The following NTM variants were observed in gnomAD, a reference collection of about 807,000 sequenced individuals.
NTM encodes the protein IgLON family member 2.
A neutral mutation model predicts 42.1 loss-of-function variants in NTM; 13 were observed. That is an observed-to-expected ratio of 0.31 (90% CI 0.20 to 0.49). NTM has a LOEUF of 0.49. Ranked by LOEUF, NTM falls within the 20% of genes least tolerant of loss-of-function variation. The pLI is 0.99. For synonymous variants in NTM, 187 were observed against 179.2 expected (o/e 1.04, Z -0.35); for missense variants, 373 against 452.8 (o/e 0.82, Z 1.60).
At chr11:131,619,816 CT>C (rs1295440951) in intron 1 of NTM, among the ~76,000 whole-genome samples, 1,600 of 142,406 alleles carry the variant, frequency 0.011, 13 homozygotes, top group African/African-American at 0.028. Context: ...TAAACATCTT[CT>C]TTTTTTTTTT....
chr11:131,464,589 A>G (rs1419529419), intron 1 of NTM, among the ~76,000 whole-genome samples: 3 of 151,568 alleles, frequency 2.0e-5, no homozygotes, highest in South Asian at 2.1e-4. Flanking sequence ...CCCCTCCCCA[A>G]CTCCCAATTT....
intron 1 of NTM, chr11:131,671,303 C>A (rs2070180933): frequency 2.5e-6 from 1 of 405,908 alleles, no homozygotes; most frequent in Admixed American, 6.4e-5. Context: ...CCCTGGGGCG[C>A]TATCTGGCGT....
At chr11:131,548,010 G>T (rs1259303810) in intron 1 of NTM, among the ~76,000 whole-genome samples, 1 of 152,176 alleles carries the variant, frequency 6.6e-6, no homozygotes, top group African/African-American at 2.4e-5. Context: ...AGACAGAGGA[G>T]CTCAAACTCA....
intron 3 of NTM, among the ~76,000 whole-genome samples, chr11:132,149,072 A>C (rs966172235): frequency 6.6e-6 from 1 of 152,140 alleles, no homozygotes; most frequent in Non-Finnish European, 1.5e-5. Flanking sequence ...TCCGCTGTCG[A>C]TATGCCTGGA....
intron 1 of NTM, among the ~76,000 whole-genome samples, chr11:131,889,525 T>C (rs887594758): frequency 6.6e-6 from 1 of 152,130 alleles, no homozygotes; most frequent in Non-Finnish European, 1.5e-5. Context: ...GCCCAGTGTG[T>C]GGGCCTTTAA....
chr11:132,052,847 T>A (rs780495171), intron 2 of NTM, among the ~76,000 whole-genome samples: 41 of 152,116 alleles, frequency 2.7e-4, no homozygotes, highest in Non-Finnish European at 5.6e-4. Flanking sequence ...CAAACATATA[T>A]TTCTCAATTA....
chr11:131,376,645 A>T lies in NTM; in HGVS notation c.82+5757A>T, dbSNP rs138361385. On this transcript the variant is annotated intron_variant, in intron 1 of 8. Transcript: ENST00000683400. ...ACATTCTTCAGCTCTGTTACTAAGG[A>T]CATCTTAGGTTACTAAATTTGATTT... Among the ~76,000 whole-genome samples the T allele has an allele frequency of 6.2e-3, 942 of 150,756 alleles. 1 individual carries two copies. Among genetic ancestry groups the T allele is most frequent in the Non-Finnish European group, 9.5e-3 (644 of 67,858 alleles).
At chr11:132,058,965 A>G (rs934359056) in intron 2 of NTM, among the ~76,000 whole-genome samples, 2 of 152,232 alleles carry the variant, frequency 1.3e-5, no homozygotes, top group African/African-American at 2.4e-5. Context: ...AGTGAGAGGG[A>G]ATTCAGTGTG....
chr11:131,982,936 C>T (rs2065480719), intron 2 of NTM, among the ~76,000 whole-genome samples: 1 of 152,238 alleles, frequency 6.6e-6, no homozygotes, highest in Non-Finnish European at 1.5e-5. Context: ...CTAAAGAATC[C>T]CAGTGGAATC....
At chr11:131,829,173 C>G (rs11824288) in intron 1 of NTM, among the ~76,000 whole-genome samples, 4,905 of 151,406 alleles carry the variant, frequency 0.032, 224 homozygotes, top group African/African-American at 0.1. Context: ...GTTTAAGAGT[C>G]ACTTAAAAAA....
intron 4 of NTM, among the ~76,000 whole-genome samples, chr11:132,291,930 G>A (rs2094461323): frequency 1.3e-5 from 2 of 152,112 alleles, no homozygotes; most frequent in African/African-American, 4.8e-5. Flanking sequence ...AATATGAGGG[G>A]AAGAATCTGA....
At position 131,501,779 on chromosome 11, in the gene NTM, GC is replaced by G. The variant is rs566776989; in HGVS notation, c.82+130892del. 3.9e-5 allele frequency among the ~76,000 whole-genome samples: 6 copies of G among 152,270 alleles called. No homozygotes were observed. The South Asian group carries it at 1.2e-3, about 32-fold the overall frequency. On this transcript the variant is annotated intron_variant, in intron 1 of 8. Coordinates refer to ENST00000683400, the MANE Select transcript of NTM (RefSeq NM_001352005.2). The stretch of plus-strand genomic sequence containing the variant: ...GGAGTTAGAGAAAGCAAAATCACTG[GC>G]GATTGCAAGGGTTTTGGCCTGAGCA...
chr11:132,114,557 T>C (rs965182449), intron 2 of NTM, among the ~76,000 whole-genome samples: 8 of 152,314 alleles, frequency 5.3e-5, no homozygotes, highest in African/African-American at 1.9e-4. Context: ...CTTCCTTCCT[T>C]TCCCATACCC....
At chr11:131,459,025 G>A (rs1951146176) in intron 1 of NTM, among the ~76,000 whole-genome samples, 1 of 152,250 alleles carries the variant, frequency 6.6e-6, no homozygotes. Context: ...GCTAGCTCTT[G>A]TTTCTTTGTA....
In NTM at chr11:131,965,236, G is replaced by A. The variant is rs116004766; in HGVS notation, c.167+53588G>A. Among the ~76,000 whole-genome samples, 1,469 of 152,184 alleles carry A rather than the reference G, an allele frequency of 9.7e-3. 24 individuals carry two copies. Among genetic ancestry groups the A allele is most frequent in the African/African-American group, 0.033 (1,386 of 41,502 alleles). On this transcript the variant is annotated intron_variant, in intron 2 of 8. Transcript: ENST00000683400. ...GAAGCCAAGAGGATGAATGAGGGAC[G>A]CACAGGCCAGGAAAGGAGCTCTGAT...
intron 2 of NTM, among the ~76,000 whole-genome samples, chr11:131,979,215 G>A (rs1446927691): frequency 6.6e-6 from 1 of 152,170 alleles, no homozygotes; most frequent in Non-Finnish European, 1.5e-5. Context: ...AGGTTACCCA[G>A]TCAAACTCTA....
intron 3 of NTM, among the ~76,000 whole-genome samples, chr11:132,173,926 T>A (rs2137894153): frequency 6.6e-6 from 1 of 152,300 alleles, no homozygotes; most frequent in South Asian, 2.1e-4. Flanking sequence ...CTTAAAAATG[T>A]GAAAAACAAA....
At chr11:131,740,990 C>T (rs1444359678) in intron 1 of NTM, among the ~76,000 whole-genome samples, 1 of 152,004 alleles carries the variant, frequency 6.6e-6, no homozygotes, top group African/African-American at 2.4e-5. Context: ...CATGGTAAAA[C>T]CCCGTCTCTG....
At chr11:131,789,635 A>AAGAAGAAGAAGAAGAAG (rs2090463396) in intron 1 of NTM, among the ~76,000 whole-genome samples, 2 of 37,906 alleles carry the variant, frequency 5.3e-5, no homozygotes, top group African/African-American at 1.9e-4. Flanking sequence ...GAAGAAGAAG[A>AAGAAGAAGAAGAAGAAG]AAAGAAGAAG....
Sources: gnomAD v4.1 joint callset for allele counts (sites outside exome capture counted in the v4.1 genomes callset) on GRCh38, gnomAD v4.1.1 for gene constraint, MANE v1.5 for transcripts, NCBI Gene and HGNC (gene_info 2026-07-23, HGNC 2026-07-21) for gene names.